Variants in RERG observed in about 807,000 individuals in gnomAD.
RERG encodes the protein RAS like estrogen regulated growth inhibitor.
Under a neutral mutation model 23.2 loss-of-function variants are expected in RERG, and 25 were observed. The observed-to-expected ratio is 1.08, with a 90% CI of 0.79 to 1.50. RERG has a LOEUF of 1.50. RERG is among the 40% of genes most tolerant of loss of function. The pLI is 0.00. For synonymous variants in RERG, 81 were observed against 89.1 expected (o/e 0.91, Z 0.51); for missense variants, 253 against 250.1 (o/e 1.01, Z -0.08).
intron 2 of RERG, among the ~76,000 whole-genome samples, chr12:15,171,186 C>A (rs770374433): frequency 6.6e-6 from 1 of 152,144 alleles, no homozygotes; most frequent in African/African-American, 2.4e-5. Context: ...TCAAAGCTGG[C>A]GGTCAGAGCT....
At chr12:15,122,488 C>T (rs1863850531) in intron 2 of RERG, among the ~76,000 whole-genome samples, 1 of 152,164 alleles carries the variant, frequency 6.6e-6, no homozygotes, top group South Asian at 2.1e-4. Flanking sequence ...GAGATGGAAA[C>T]TACCAATGTT....
intron 2 of RERG, among the ~76,000 whole-genome samples, chr12:15,126,616 T>G: frequency 6.6e-6 from 1 of 152,248 alleles, no homozygotes; most frequent in South Asian, 2.1e-4. Flanking sequence ...TTGTCAGTAT[T>G]TTAAGCTGGT....
At chr12:15,115,750 T>C (rs889279078) in intron 3 of RERG, among the ~76,000 whole-genome samples, 2 of 152,138 alleles carry the variant, frequency 1.3e-5, no homozygotes, top group Admixed American at 6.5e-5. Context: ...TCATCAACTA[T>C]TTTGCAGTCC....
At chr12:15,121,562 T>C (rs1481510884) in intron 2 of RERG, among the ~76,000 whole-genome samples, 1 of 152,204 alleles carries the variant, frequency 6.6e-6, no homozygotes, top group Non-Finnish European at 1.5e-5. Context: ...AGCAGGTCAT[T>C]TGCATTTTAA....
At chr12:15,139,455 A>G (rs551082232) in intron 2 of RERG, among the ~76,000 whole-genome samples, 2 of 152,292 alleles carry the variant, frequency 1.3e-5, no homozygotes, top group Admixed American at 6.5e-5. Flanking sequence ...ATCTGTGAAC[A>G]TGCAGTATCT....
At chr12:15,137,603 C>G (rs372771327) in intron 2 of RERG, among the ~76,000 whole-genome samples, 2 of 151,780 alleles carry the variant, frequency 1.3e-5, no homozygotes, top group East Asian at 3.9e-4. Context: ...GAATTTACAA[C>G]TAATCCAAGT....
intron 2 of RERG, chr12:15,137,914 G>A (rs1360139741): frequency 2.8e-5 from 12 of 436,126 alleles, no homozygotes; most frequent in African/African-American, 1.8e-4. Flanking sequence ...CTTCTCTGAA[G>A]AATGTATCGT....
Position 15,195,871 on chromosome 12 carries a change from T to C in RERG, c.61+21558A>G, listed in dbSNP as rs535763257. On this transcript the variant is annotated intron_variant, in intron 2 of 4. Coordinates refer to ENST00000256953, the MANE Select transcript of RERG (RefSeq NM_032918.3). ...CAATTCATGACTTAAATCAAATGCA[T>C]GAATAACTTAAGGTGAAAAGCCACT... is the stretch of plus-strand genomic sequence containing the variant. Among the ~76,000 whole-genome samples the C allele has an allele frequency of 2.6e-5, 4 of 152,232 alleles. No individual in the cohort carries two copies. The South Asian group carries it at 8.3e-4, about 32-fold the overall frequency.
chr12:15,185,877 T>C (rs968458497), intron 2 of RERG, among the ~76,000 whole-genome samples: 1 of 151,710 alleles, frequency 6.6e-6, no homozygotes, highest in Non-Finnish European at 1.5e-5. Context: ...AAAACACTAA[T>C]AAGACTGATT....
chr12:15,140,409 CTAT>C (rs1387700182), intron 2 of RERG, among the ~76,000 whole-genome samples: 7 of 152,136 alleles, frequency 4.6e-5, no homozygotes, highest in African/African-American at 1.7e-4. Flanking sequence ...TACATCATTA[CTAT>C]TATCATTTGA....
chr12:15,171,267 T>C (rs1343469062), intron 2 of RERG, among the ~76,000 whole-genome samples: 1 of 152,232 alleles, frequency 6.6e-6, no homozygotes, highest in Non-Finnish European at 1.5e-5. Flanking sequence ...CTTGTGGTCT[T>C]CTGATTTTTC....
chr12:15,115,521 CA>C (rs1863703730), intron 3 of RERG, among the ~76,000 whole-genome samples: 1 of 152,078 alleles, frequency 6.6e-6, no homozygotes, highest in Non-Finnish European at 1.5e-5. Flanking sequence ...TAAGGCCTCC[CA>C]CACACTAATA....
At chr12:15,126,525 A>G (rs1444633656) in intron 2 of RERG, among the ~76,000 whole-genome samples, 1 of 152,036 alleles carries the variant, frequency 6.6e-6, no homozygotes. Flanking sequence ...GGATCATTAC[A>G]TATTTGGAGT....
intron 2 of RERG, among the ~76,000 whole-genome samples, chr12:15,122,964 A>T (rs1399258749): frequency 6.6e-6 from 1 of 151,722 alleles, no homozygotes; most frequent in African/African-American, 2.4e-5. Context: ...ACACCAAGCT[A>T]ATTTTTGTAT....
intron 4 of RERG, 120 bp from the exon 5 acceptor site, chr12:15,109,637 C>T (rs1863567601): frequency 5.4e-6 from 4 of 738,626 alleles, no homozygotes; most frequent in South Asian, 2.7e-5. Flanking sequence ...ATTAAAATGT[C>T]GTGGTACTCT....
intron 2 of RERG, among the ~76,000 whole-genome samples, chr12:15,125,940 G>T (rs1565510501): frequency 1.3e-5 from 2 of 151,372 alleles, no homozygotes; most frequent in Admixed American, 1.3e-4. Context: ...TATTGGTGAA[G>T]AAACTGAAGC....
At chr12:15,157,127 T>C (rs1864534058) in intron 2 of RERG, among the ~76,000 whole-genome samples, 1 of 152,202 alleles carries the variant, frequency 6.6e-6, no homozygotes, top group Non-Finnish European at 1.5e-5. Context: ...CCGTTTTTCA[T>C]TCGGCATTGC....
At chr12:15,164,222 G>A (rs908774214) in intron 2 of RERG, among the ~76,000 whole-genome samples, 7 of 152,170 alleles carry the variant, frequency 4.6e-5, no homozygotes, top group African/African-American at 1.7e-4. Flanking sequence ...CATTTGTGGG[G>A]CCTAGATTCA....
intron 2 of RERG, among the ~76,000 whole-genome samples, chr12:15,205,167 T>G (rs1354140502): frequency 6.6e-6 from 1 of 151,990 alleles, no homozygotes; most frequent in East Asian, 1.9e-4. Context: ...GATTTTGAAT[T>G]GTAAGTTATA....
Sources: allele counts gnomAD v4.1 joint callset (sites outside exome capture counted in the v4.1 genomes callset), GRCh38; gene constraint gnomAD v4.1.1; transcripts MANE v1.5; gene names NCBI Gene and HGNC (gene_info 2026-07-23, HGNC 2026-07-21).